Variants in ABI3BP observed in about 807,000 individuals in gnomAD.
ABI3BP encodes the protein ABI family member 3 binding protein.
A neutral mutation model predicts 268.6 loss-of-function variants in ABI3BP; 216 were observed. That is an observed-to-expected ratio of 0.80 (90% CI 0.72 to 0.90). ABI3BP has a LOEUF of 0.90. Among genes scored for constraint, ABI3BP ranks in the 40% least tolerant of loss-of-function variants. The probability of loss-of-function intolerance (pLI) is 0.00; values close to 1 mark genes in which losing one functional copy is unlikely to be tolerated. For synonymous variants in ABI3BP, 730 were observed against 730.0 expected, an observed-to-expected ratio of 1.00 and a Z score of 0.00; for missense variants, 2,090 against 2,182.4, an observed-to-expected ratio of 0.96 and a Z score of 0.84.
At chr3:100,904,602 C>T (rs576782002) in intron 2 of ABI3BP, among the ~76,000 whole-genome samples, 1 of 152,254 alleles carries the variant, frequency 6.6e-6, no homozygotes, top group African/African-American at 2.4e-5. Context: ...ACCGTACTTT[C>T]CATGTGAACC....
chr3:100,759,573 C>T (rs2095831156), intron 63 of ABI3BP, among the ~76,000 whole-genome samples: 1 of 152,148 alleles, frequency 6.6e-6, no homozygotes, highest in South Asian at 2.1e-4. Context: ...ACACAAATTC[C>T]AGAGTTGGGC....
chr3:100,911,312 G>A, intron 2 of ABI3BP: 1 of 284,452 alleles, frequency 3.5e-6, no homozygotes, highest in Non-Finnish European at 6.9e-6. Flanking sequence ...CACGAATGAA[G>A]AAATTCAGAA....
intron 14 of ABI3BP, among the ~76,000 whole-genome samples, chr3:100,852,924 G>T (rs1015151874): frequency 6.6e-6 from 1 of 152,158 alleles, no homozygotes; most frequent in Non-Finnish European, 1.5e-5. Flanking sequence ...TGGTCACGAG[G>T]GATATAGAGA....
intron 24 of ABI3BP, 127 bp downstream of exon 24, chr3:100,839,442 A>G: frequency 1.0e-6 from 1 of 999,888 alleles, no homozygotes; most frequent in Admixed American, 2.0e-5. Flanking sequence ...CAGACAGGAA[A>G]GGTGAGGAAA....
chr3:100,792,388 G>A (rs1272573975), intron 55 of ABI3BP, among the ~76,000 whole-genome samples: 26 of 151,586 alleles, frequency 1.7e-4, no homozygotes, highest in Admixed American at 1.7e-3. Context: ...TATCAGATAT[G>A]GAAAACGAGG....
intron 2 of ABI3BP, 61 bp from the exon 3 acceptor site, chr3:100,902,747 C>T: frequency 7.3e-7 from 1 of 1,365,058 alleles, no homozygotes; most frequent in Non-Finnish European, 1.0e-6. Flanking sequence ...GGAGGCAGCA[C>T]ACCCCTACCC....
At chr3:100,942,213 C>T (rs963183903) in intron 1 of ABI3BP, among the ~76,000 whole-genome samples, 1 of 151,996 alleles carries the variant, frequency 6.6e-6, no homozygotes, top group Non-Finnish European at 1.5e-5. Context: ...ATGAATAAGT[C>T]AGTTGTTTCA....
At chr3:100,932,823 T>A (rs1034215904) in intron 1 of ABI3BP, among the ~76,000 whole-genome samples, 2 of 152,132 alleles carry the variant, frequency 1.3e-5, no homozygotes, top group African/African-American at 4.8e-5. Context: ...GAACTGTCAT[T>A]CAACCCAGCA....
Position 100,911,493 on chromosome 3 carries a change from T to C in ABI3BP, c.260-8807A>G, listed in dbSNP as rs151317606. 1.9e-3 allele frequency: 804 copies of C among 434,334 alleles called. 5 individuals are homozygous for C. Among genetic ancestry groups the C allele is most frequent in the African/African-American group, 0.014 (704 of 49,916 alleles). The allele number at this position is 434,334 out of a possible 1,614,324, so 26.9% of individuals were successfully genotyped here. On this transcript the variant is annotated intron_variant, in intron 2 of 67. Transcript: ENST00000471714. ...TTATTTATTGCTTGTTCATTGTTTTTCACTTTTTTTTGCATATACTCCTTA... is the reference window on the plus strand; with the variant it reads ...TTATTTATTGCTTGTTCATTGTTTTCCACTTTTTTTTGCATATACTCCTTA...
chr3:100,952,278 C>T (rs2075344241), intron 1 of ABI3BP, among the ~76,000 whole-genome samples: 2 of 152,036 alleles, frequency 1.3e-5, no homozygotes, highest in African/African-American at 2.4e-5. Flanking sequence ...TTGAAAATTG[C>T]TAAAAGTAGA....
intron 61 of ABI3BP, among the ~76,000 whole-genome samples, chr3:100,774,157 G>A (rs1419299641): frequency 6.6e-6 from 1 of 152,214 alleles, no homozygotes; most frequent in Non-Finnish European, 1.5e-5. Context: ...GTCCACAGGA[G>A]AAGTATTCTT....
intron 7 of ABI3BP, among the ~76,000 whole-genome samples, chr3:100,876,116 C>A (rs955220667): frequency 6.6e-6 from 1 of 152,172 alleles, no homozygotes; most frequent in Non-Finnish European, 1.5e-5. Context: ...CAAAAACAGT[C>A]AGATACTGAC....
At chr3:100,922,051 C>T (rs2060382045) in intron 2 of ABI3BP, among the ~76,000 whole-genome samples, 1 of 152,318 alleles carries the variant, frequency 6.6e-6, no homozygotes, top group East Asian at 1.9e-4. Context: ...AAAAACATAC[C>T]ACTACCTTAT....
intron 20 of ABI3BP, among the ~76,000 whole-genome samples, chr3:100,845,696 T>C (rs2098758104): frequency 6.6e-6 from 1 of 152,150 alleles, no homozygotes; most frequent in African/African-American, 2.4e-5. Context: ...TAGTCAATCT[T>C]ATAAGTCAAC....
At chr3:100,802,018 A>C (rs2097549288) in intron 51 of ABI3BP, among the ~76,000 whole-genome samples, 1 of 152,238 alleles carries the variant, frequency 6.6e-6, no homozygotes, top group Non-Finnish European at 1.5e-5. Flanking sequence ...GCAATATTTT[A>C]AAGTATGTAA....
chr3:100,801,567 G>T lies in ABI3BP; in HGVS notation c.3757+3225C>A. On this transcript the variant is annotated intron_variant, in intron 51 of 67. Transcript: ENST00000471714. ...TGAGTCACTAAAACTTGAGGGAAAA[G>T]CATACTGATATTTAATATATCATCA... 2.0e-5 allele frequency among the ~76,000 whole-genome samples: 3 copies of T among 152,132 alleles called. No individual in the cohort carries two copies. In the South Asian group the frequency reaches 6.2e-4, roughly 32 times the overall value.
Position 100,874,917 on chromosome 3 carries a change from T to C in ABI3BP, c.834A>G (p.Pro278=), listed in dbSNP as rs768435400. 7.5e-6 allele frequency: 12 copies of C among 1,591,550 alleles called. No homozygotes were observed. The South Asian group carries it at 1.4e-4, about 18-fold the overall frequency. ...GGVILVHLII[P]GLNETTVKLP... The stretch of plus-strand genomic sequence containing the variant: ...GTTTTACAGTAGTTTCATTAAGACC[T>C]GGAATAATAAGGTGGACTGCAAGGA... Residue 278 remains proline, a synonymous_variant, in exon 9 of 68, where the codon CCA becomes CCG. Coordinates refer to ENST00000471714, the MANE Select transcript of ABI3BP (RefSeq NM_001375547.2).
At chr3:100,757,194 A>C (rs1162323291) in intron 63 of ABI3BP, among the ~76,000 whole-genome samples, 1 of 152,176 alleles carries the variant, frequency 6.6e-6, no homozygotes, top group Non-Finnish European at 1.5e-5. Context: ...AACTAGTAGG[A>C]ATTGTAGAAG....
At chr3:100,773,127 C>G (rs1474515342) in intron 61 of ABI3BP, among the ~76,000 whole-genome samples, 1 of 150,964 alleles carries the variant, frequency 6.6e-6, no homozygotes, top group Admixed American at 6.6e-5. Context: ...CTGAATAGCT[C>G]CATACCTATT....
Sources: allele counts gnomAD v4.1 joint callset (sites outside exome capture counted in the v4.1 genomes callset), GRCh38; gene constraint gnomAD v4.1.1; transcripts MANE v1.5; gene names NCBI Gene and HGNC (gene_info 2026-07-23, HGNC 2026-07-21).